LRRTM3: variants seen among roughly 807,000 people sequenced by gnomAD.
The protein encoded by LRRTM3 is leucine rich repeat transmembrane neuronal 3, also known as leucine-rich repeat transmembrane neuronal protein 3.
A neutral mutation model predicts 44.7 loss-of-function variants in LRRTM3; 24 were observed. The observed-to-expected ratio is 0.54, with a 90% confidence interval of 0.39 to 0.76. The LOEUF (loss-of-function observed/expected upper bound fraction) is 0.76, where lower values mean the gene tolerates loss of function less well. Among genes scored for constraint, LRRTM3 ranks in the 30% least tolerant of loss-of-function variants. The pLI, the probability that LRRTM3 is intolerant of heterozygous loss-of-function variation, is 0.00. For missense variants in LRRTM3, 587 were observed against 702.2 expected, an observed-to-expected ratio of 0.84 and a Z score of 1.85; for synonymous variants, 277 against 278.7, an observed-to-expected ratio of 0.99 and a Z score of 0.06.
intron 2 of LRRTM3, among the ~76,000 whole-genome samples, chr10:66,993,553 A>G (rs970590739): frequency 2.3e-4 from 35 of 152,134 alleles, no homozygotes; most frequent in Non-Finnish European, 1.6e-4. Context: ...CCTTCCAACT[A>G]TGAATCTATA....
At chr10:66,937,728 G>T (rs931817744) in intron 2 of LRRTM3, among the ~76,000 whole-genome samples, 4 of 152,064 alleles carry the variant, frequency 2.6e-5, no homozygotes, top group African/African-American at 9.7e-5. Flanking sequence ...TCTCAAAGTA[G>T]CCCATGCTTC....
chr10:67,039,716 C>T (rs1854278698), intron 2 of LRRTM3, among the ~76,000 whole-genome samples: 2 of 152,058 alleles, frequency 1.3e-5, no homozygotes, highest in South Asian at 4.1e-4. Context: ...TAAGAACCAT[C>T]CCAAAAATGC....
At chr10:66,947,218 A>G (rs1356744787) in intron 2 of LRRTM3, among the ~76,000 whole-genome samples, 1 of 152,142 alleles carries the variant, frequency 6.6e-6, no homozygotes, top group Admixed American at 6.6e-5. Flanking sequence ...GCCCCAGGAC[A>G]GTGTTGTAAC....
chr10:67,082,376 G>A (rs946135403), intron 2 of LRRTM3, among the ~76,000 whole-genome samples: 6 of 152,152 alleles, frequency 3.9e-5, no homozygotes, highest in African/African-American at 1.4e-4. Flanking sequence ...GATTTCGCTA[G>A]CACTGAGCAG....
At chr10:67,002,069 T>C (rs536018038) in intron 2 of LRRTM3, among the ~76,000 whole-genome samples, 1 of 152,172 alleles carries the variant, frequency 6.6e-6, no homozygotes, top group African/African-American at 2.4e-5. Context: ...TATTAACTTT[T>C]AGGAGCTCAG....
chr10:67,085,163 A>G (rs185590422), intron 2 of LRRTM3, among the ~76,000 whole-genome samples: 1 of 152,126 alleles, frequency 6.6e-6, no homozygotes, highest in East Asian at 1.9e-4. Context: ...TACACTATCA[A>G]GAATAACACC....
At chr10:66,958,327 A>G (rs1375619436) in intron 2 of LRRTM3, among the ~76,000 whole-genome samples, 1 of 141,188 alleles carries the variant, frequency 7.1e-6, no homozygotes, top group Non-Finnish European at 1.6e-5. Flanking sequence ...AAAAAAAAAA[A>G]AAAAAAATGC....
chr10:66,979,512 G>A (rs1378072024), intron 2 of LRRTM3, among the ~76,000 whole-genome samples: 3 of 152,126 alleles, frequency 2.0e-5, no homozygotes, highest in South Asian at 2.1e-4. Flanking sequence ...GGCCCAGGGT[G>A]CAGACTCAGG....
At chr10:66,974,541 C>T (rs1439647201) in intron 2 of LRRTM3, among the ~76,000 whole-genome samples, 1 of 152,094 alleles carries the variant, frequency 6.6e-6, no homozygotes, top group African/African-American at 2.4e-5. Flanking sequence ...ATTACTGGTT[C>T]GTAGTGTAAG....
chr10:67,087,509 C>A (rs1029915120), intron 2 of LRRTM3, among the ~76,000 whole-genome samples: 1 of 151,542 alleles, frequency 6.6e-6, no homozygotes, highest in African/African-American at 2.4e-5. Flanking sequence ...TTCATACCTT[C>A]TCTAATATAA....
chr10:67,082,775 A>G (rs180989862), intron 2 of LRRTM3, among the ~76,000 whole-genome samples: 5 of 152,300 alleles, frequency 3.3e-5, no homozygotes, highest in Admixed American at 1.3e-4. Flanking sequence ...ATGAGTGTTA[A>G]AAGACATCCT....
At chr10:67,037,094 G>C (rs1352756002) in intron 2 of LRRTM3, among the ~76,000 whole-genome samples, 1 of 152,118 alleles carries the variant, frequency 6.6e-6, no homozygotes, top group Non-Finnish European at 1.5e-5. Flanking sequence ...AGAGGCATTT[G>C]ACTGGGTGAG....
At chr10:67,080,807 G>A (rs570847304) in intron 2 of LRRTM3, among the ~76,000 whole-genome samples, 34 of 152,052 alleles carry the variant, frequency 2.2e-4, no homozygotes, top group Non-Finnish European at 3.4e-4. Context: ...TACTCGGGAG[G>A]CTGAGGCAGG....
chr10:66,992,432 T>G (rs1391705094), intron 2 of LRRTM3, among the ~76,000 whole-genome samples: 3 of 152,102 alleles, frequency 2.0e-5, no homozygotes, highest in Non-Finnish European at 4.4e-5. Flanking sequence ...TTTCTCCTTC[T>G]TCTTGTTCCT....
intron 2 of LRRTM3, among the ~76,000 whole-genome samples, chr10:67,052,979 A>G (rs1855205057): frequency 1.3e-5 from 2 of 152,224 alleles, no homozygotes; most frequent in Non-Finnish European, 2.9e-5. Context: ...TTGTACTTAC[A>G]CTGACTATGT....
intron 2 of LRRTM3, among the ~76,000 whole-genome samples, chr10:66,931,624 T>C (rs139722866): frequency 2.4e-3 from 359 of 152,334 alleles, no homozygotes; most frequent in African/African-American, 8.1e-3. Flanking sequence ...TATGTAAACG[T>C]GGTTTACAAC....
At chr10:67,054,891 C>G (rs1209572992) in intron 2 of LRRTM3, 3 of 152,098 alleles carry the variant, frequency 2.0e-5, no homozygotes, top group Non-Finnish European at 2.9e-5. Flanking sequence ...ATTATAGCAA[C>G]TACAGGGAAT....
At chr10:66,953,179 T>C (rs1848627066) in intron 2 of LRRTM3, among the ~76,000 whole-genome samples, 1 of 152,186 alleles carries the variant, frequency 6.6e-6, no homozygotes, top group East Asian at 1.9e-4. Context: ...GCTCATAACT[T>C]AGTTCCCTCA....
chr10:67,050,641 G>A (rs1418106413), intron 2 of LRRTM3, among the ~76,000 whole-genome samples: 1 of 152,154 alleles, frequency 6.6e-6, no homozygotes, highest in Admixed American at 6.5e-5. Context: ...TGATGTGATT[G>A]CCCAGACTCG....
Sources: gnomAD v4.1 joint callset for allele counts (sites outside exome capture counted in the v4.1 genomes callset) on GRCh38, gnomAD v4.1.1 for gene constraint, MANE v1.5 for transcripts, NCBI Gene and HGNC (gene_info 2026-07-23, HGNC 2026-07-21) for gene names.